ALK: variants seen among roughly 807,000 people sequenced by gnomAD.
ALK encodes the protein ALK receptor tyrosine kinase.
In ALK, 74 loss-of-function variants were observed where a neutral mutation model predicts 163.1. That is an observed-to-expected ratio of 0.45 (90% CI 0.38 to 0.55). The LOEUF (loss-of-function observed/expected upper bound fraction) is 0.55, where lower values mean the gene tolerates loss of function less well. Among genes scored for constraint, ALK ranks in the 20% least tolerant of loss-of-function variants. The probability of loss-of-function intolerance (pLI) is 0.00; values close to 1 mark genes in which losing one functional copy is unlikely to be tolerated. For synonymous variants in ALK, 960 were observed against 843.2 expected (o/e 1.14, Z -2.40); for missense variants, 2,063 against 2,105.3 (o/e 0.98, Z 0.39).
At chr2:29,464,186 G>A (rs1199925939) in intron 4 of ALK, among the ~76,000 whole-genome samples, 2 of 152,046 alleles carry the variant, frequency 1.3e-5, no homozygotes, top group Non-Finnish European at 2.9e-5. Flanking sequence ...ATTCAAAAAA[G>A]AAGAAAATTG....
At chr2:29,632,630 G>C (rs1451024840) in intron 3 of ALK, among the ~76,000 whole-genome samples, 11 of 152,124 alleles carry the variant, frequency 7.2e-5, no homozygotes, top group Admixed American at 5.9e-4. Context: ...GCCAGGAAGA[G>C]AGCCCTCAGC....
intron 3 of ALK, among the ~76,000 whole-genome samples, chr2:29,573,883 T>TAAGAAAAGATCTCACTG (rs993292402): frequency 1.3e-5 from 2 of 151,984 alleles, no homozygotes; most frequent in East Asian, 3.9e-4. Context: ...GGGTGGGTGG[T>TAAGAAAAGATCTCACTG]AAGAAAAGAT....
intron 3 of ALK, among the ~76,000 whole-genome samples, chr2:29,647,344 T>A (rs1676907507): frequency 6.6e-6 from 1 of 152,158 alleles, no homozygotes; most frequent in Non-Finnish European, 1.5e-5. Flanking sequence ...CTAATATGTC[T>A]CTTCTTCTCC....
intron 1 of ALK, among the ~76,000 whole-genome samples, chr2:29,872,258 G>A (rs1052620225): frequency 2.0e-5 from 3 of 152,200 alleles, no homozygotes; most frequent in Non-Finnish European, 4.4e-5. Flanking sequence ...CAGGGGAGGG[G>A]ATGCAGCTGA....
At chr2:29,526,194 G>A (rs555071579) in intron 4 of ALK, among the ~76,000 whole-genome samples, 2 of 152,280 alleles carry the variant, frequency 1.3e-5, no homozygotes, top group East Asian at 3.9e-4. Flanking sequence ...TGCTCTGCTT[G>A]TTGATCTAAT....
intron 1 of ALK, among the ~76,000 whole-genome samples, chr2:29,899,334 C>T (rs1667349595): frequency 6.6e-6 from 1 of 152,190 alleles, no homozygotes; most frequent in South Asian, 2.1e-4. Context: ...AAGACCCTTG[C>T]CCCTTTTTTG....
chr2:29,543,784 A>G (rs961091371), intron 3 of ALK, among the ~76,000 whole-genome samples: 1 of 152,048 alleles, frequency 6.6e-6, no homozygotes, highest in African/African-American at 2.4e-5. Flanking sequence ...TGTCTCCTCT[A>G]TGTGCTCTAG....
At position 29,296,902 on chromosome 2, in the gene ALK, G is replaced by A. The variant is rs769055778; in HGVS notation, c.1803C>T (p.Leu601=). The A allele has an allele frequency of 1.3e-5, 21 of 1,614,148 alleles. 1 individual carries two copies. The highest frequency in any genetic ancestry group is 1.2e-4 in the South Asian group (11 of 91,072). Residue 601 remains leucine, a synonymous_variant, in exon 9 of 29, where the codon CTC becomes CTT. Transcript: ENST00000389048. ...SLWQWMVLPL[L]DVSDRFWLQM... ...ATAGAGCCTACCTGTCAGACACATC[G>A]AGGAGAGGCAACACCATCCACTGCC...
intron 11 of ALK, among the ~76,000 whole-genome samples, chr2:29,254,522 G>A (rs1196291356): frequency 6.6e-6 from 1 of 152,174 alleles, no homozygotes; most frequent in Non-Finnish European, 1.5e-5. Flanking sequence ...GGTGAGGGAG[G>A]AAGAAGGGCT....
At chr2:29,296,384 C>T (rs1238440349) in intron 9 of ALK, among the ~76,000 whole-genome samples, 2 of 152,224 alleles carry the variant, frequency 1.3e-5, no homozygotes, top group Non-Finnish European at 2.9e-5. Flanking sequence ...TTCCAACTTG[C>T]TGGCACTTCA....
rs182003773 is a variant in ALK at position 29,748,245 on chromosome 2, T to C, written c.668-30548A>G. Among the ~76,000 whole-genome samples, 19 of 152,286 alleles carry C rather than the reference T, an allele frequency of 1.2e-4. No individual in the cohort carries two copies. The East Asian group carries it at 2.9e-3, about 23-fold the overall frequency. On this transcript the variant is annotated intron_variant, in intron 1 of 28. Coordinates refer to ENST00000389048, the MANE Select transcript of ALK (RefSeq NM_004304.5). The stretch of plus-strand genomic sequence containing the variant: ...CACATCCTGGACAAGCTCCAGGATG[T>C]CTGAGTCAGGACCCATGGGACACTA...
intron 11 of ALK, among the ~76,000 whole-genome samples, chr2:29,256,538 T>G (rs77595669): frequency 0.019 from 2,846 of 152,084 alleles, 96 homozygotes; most frequent in African/African-American, 0.065. Context: ...AATGTAGATC[T>G]TCTGAGTCCA....
intron 3 of ALK, among the ~76,000 whole-genome samples, chr2:29,555,675 C>T (rs1238455604): frequency 1.3e-5 from 2 of 152,126 alleles, no homozygotes; most frequent in Admixed American, 1.3e-4. Flanking sequence ...AGTGAAATGA[C>T]CTCAATTGAA....
chr2:29,836,852 T>A (rs56101161), intron 1 of ALK, among the ~76,000 whole-genome samples: 3 of 152,306 alleles, frequency 2.0e-5, no homozygotes, highest in Non-Finnish European at 2.9e-5. Context: ...TTCCTCCATA[T>A]GCAAAATGAA....
chr2:29,655,302 T>C (rs770198788), intron 3 of ALK, among the ~76,000 whole-genome samples: 4 of 152,118 alleles, frequency 2.6e-5, no homozygotes, highest in Non-Finnish European at 5.9e-5. Flanking sequence ...AACAGGGAAG[T>C]GCACCTTTTG....
intron 2 of ALK, among the ~76,000 whole-genome samples, chr2:29,702,217 G>GA (rs975447206): frequency 4.6e-5 from 7 of 150,560 alleles, no homozygotes; most frequent in East Asian, 3.9e-4. Context: ...AGGCTGTGCT[G>GA]AAAAAAAAAG....
chr2:29,687,977 T>C (rs571594180), intron 3 of ALK, among the ~76,000 whole-genome samples: 1 of 152,244 alleles, frequency 6.6e-6, no homozygotes, highest in African/African-American at 2.4e-5. Context: ...AAATATTGGT[T>C]GCAGCCTGCA....
At chr2:29,595,655 T>C (rs2148210430) in intron 3 of ALK, among the ~76,000 whole-genome samples, 1 of 152,242 alleles carries the variant, frequency 6.6e-6, no homozygotes. Flanking sequence ...TGTGATGTGG[T>C]CACATTCTTA....
At chr2:29,849,581 T>C (rs1665940169) in intron 1 of ALK, among the ~76,000 whole-genome samples, 1 of 152,190 alleles carries the variant, frequency 6.6e-6, no homozygotes, top group African/African-American at 2.4e-5. Flanking sequence ...CACAGACACT[T>C]TATTATATCA....
Sources: allele counts gnomAD v4.1 joint callset (sites outside exome capture counted in the v4.1 genomes callset), GRCh38; gene constraint gnomAD v4.1.1; transcripts MANE v1.5; gene names NCBI Gene and HGNC (gene_info 2026-07-23, HGNC 2026-07-21).